Variants in STK17B observed in about 807,000 individuals in gnomAD.
STK17B encodes serine/threonine kinase 17b, also known as serine/threonine-protein kinase 17B.
In STK17B, 21 loss-of-function variants were observed where a neutral mutation model predicts 42.0. That is an observed-to-expected ratio of 0.50 (90% CI 0.35 to 0.72). STK17B has a LOEUF of 0.72. Ranked by LOEUF, STK17B falls within the 30% of genes least tolerant of loss-of-function variation. The probability of loss-of-function intolerance (pLI) is 0.00; values close to 1 mark genes in which losing one functional copy is unlikely to be tolerated. For missense variants in STK17B, 349 were observed against 446.0 expected (o/e 0.78, Z 1.96); for synonymous variants, 143 against 148.4 (o/e 0.96, Z 0.26).
chr2:196,161,317 T>A (rs1339378210), intron 2 of STK17B, among the ~76,000 whole-genome samples: 1 of 151,884 alleles, frequency 6.6e-6, no homozygotes, highest in African/African-American at 2.4e-5. Flanking sequence ...AAACCTTTCT[T>A]CCTATTATAA....
intron 1 of STK17B, among the ~76,000 whole-genome samples, chr2:196,163,869 C>G: frequency 6.6e-6 from 1 of 151,502 alleles, no homozygotes; most frequent in Non-Finnish European, 1.5e-5. Context: ...GAGATCCCAT[C>G]TCTATGAAAA....
At chr2:196,156,296 A>G in intron 3 of STK17B, 143 bp downstream of exon 3, 1 of 712,958 alleles carries the variant, frequency 1.4e-6, no homozygotes, top group Non-Finnish European at 2.2e-6. Flanking sequence ...TTATGAAAAT[A>G]TCTGAATATA....
At chr2:196,150,181 A>T (rs1344166963) in intron 3 of STK17B, among the ~76,000 whole-genome samples, 424 of 4,218 alleles carry the variant, frequency 0.1, 5 homozygotes, top group African/African-American at 0.16. Context: ...GCAGTGACTA[A>T]AAAAAAAAAA....
At position 196,165,410 on chromosome 2, in the gene STK17B, T is replaced by C. The variant is rs556848290; in HGVS notation, c.-44-1983A>G. ...AAAACAAAATATATAATATTTCAAA[T>C]GTAAGATAAGGAACACTATATACAA... On this transcript the variant is annotated intron_variant, in intron 1 of 7. Coordinates refer to ENST00000263955, the MANE Select transcript of STK17B (RefSeq NM_004226.4). Among the ~76,000 whole-genome samples the C allele has an allele frequency of 9.2e-5, 14 of 152,360 alleles. No homozygotes were observed. In the East Asian group the frequency reaches 1.7e-3, roughly 19 times the overall value.
At position 196,135,872 on chromosome 2, in the gene STK17B, TG is replaced by T. The variant is rs1699394899; in HGVS notation, c.*1574del. 9.1e-6 allele frequency: 1 copy of T among 110,134 alleles called. No homozygotes were observed. The highest frequency in any genetic ancestry group is 2.6e-5 in the African/African-American group (1 of 39,038). 6.8% of individuals were successfully genotyped at this position (110,134 alleles called of 1,614,324 possible). On this transcript the variant is annotated 3_prime_UTR_variant, in exon 8 of 8. Coordinates refer to ENST00000263955, the MANE Select transcript of STK17B (RefSeq NM_004226.4). ...CTTGAAAAGTGTCTAAAGAATGTAT[TG>T]TATCTATCTATAGATATATACATAC... is the stretch of plus-strand genomic sequence containing the variant.
chr2:196,156,315 CCCTT>C (rs1699737292), intron 3 of STK17B, 120 bp downstream of exon 3: 4 of 822,656 alleles, frequency 4.9e-6, no homozygotes, highest in Non-Finnish European at 7.4e-6. Context: ...TAAATTAGGT[CCCTT>C]TTACATTTTA....
chr2:196,160,960 T>C (rs1699803587), intron 2 of STK17B, among the ~76,000 whole-genome samples: 1 of 152,182 alleles, frequency 6.6e-6, no homozygotes. Flanking sequence ...CAAAAATACT[T>C]TATAGATTTT....
chr2:196,137,451 C>T lies in STK17B; in HGVS notation c.1115G>A (p.Cys372Tyr). ...AATGAGTCAAAGAAAAAAGTGCTAA[C>T]AGAGCAAATCTGAAACAAGTTCATG... ...NPHELVSDLL[C>Y] Residue 372 changes from cysteine to tyrosine, a missense_variant, in exon 8 of 8, where the codon TGT (cysteine) becomes TAT (tyrosine). Physicochemically the swap from Cys to Tyr is radical, Grantham distance 194. Coordinates refer to ENST00000263955, the MANE Select transcript of STK17B (RefSeq NM_004226.4). 2 of 1,612,660 alleles carry T rather than the reference C, an allele frequency of 1.2e-6. No individual in the cohort carries two copies.
At chr2:196,141,340 T>A in intron 5 of STK17B, 43 bp from the exon 6 acceptor site, 1 of 1,490,298 alleles carries the variant, frequency 6.7e-7, no homozygotes. Flanking sequence ...TGACAAATTT[T>A]AAAACAAGAA....
In STK17B at chr2:196,137,132, C is replaced by G. The variant is rs1699417161; in HGVS notation, c.*315G>C. ...ACCAACTATAATAAAACTCAAGCCA[C>G]TTTTTTTGTTGATATGCAAAACATT... On this transcript the variant is annotated 3_prime_UTR_variant, in exon 8 of 8. Coordinates refer to ENST00000263955, the MANE Select transcript of STK17B (RefSeq NM_004226.4). 3.7e-6 allele frequency: 1 copy of G among 269,032 alleles called. No individual in the cohort carries two copies. The allele number at this position is 269,032 out of a possible 1,614,324, so 16.7% of individuals were successfully genotyped here. A position where few individuals can be genotyped will look rare whatever the true frequency, so the allele number is the denominator to read the frequency against.
chr2:196,139,862 A>T, intron 6 of STK17B, 63 bp from the exon 7 acceptor site: 1 of 1,225,012 alleles, frequency 8.2e-7, no homozygotes, highest in Non-Finnish European at 1.1e-6. Context: ...TACAAAGTAC[A>T]ATCGACATTC....
intron 2 of STK17B, among the ~76,000 whole-genome samples, chr2:196,159,701 C>T (rs181757883): frequency 3.3e-5 from 5 of 152,260 alleles, no homozygotes; most frequent in East Asian, 3.9e-4. Flanking sequence ...TATTTGTCAA[C>T]GTTCACCACT....
At chr2:196,164,874 C>CT (rs1472971657) in intron 1 of STK17B, among the ~76,000 whole-genome samples, 2 of 152,274 alleles carry the variant, frequency 1.3e-5, no homozygotes, top group East Asian at 3.9e-4. Context: ...CTCTACATCT[C>CT]TTAGTCTTTG....
Position 196,171,571 on chromosome 2 carries a change from C to T in STK17B, c.-283G>A, listed in dbSNP as rs1010597331. 1 of 152,248 alleles carries T rather than the reference C, an allele frequency of 6.6e-6. No homozygotes were observed. The highest frequency in any genetic ancestry group is 1.5e-5 in the Non-Finnish European group (1 of 68,068). The allele number at this position is 152,248 out of a possible 1,614,324, so 9.4% of individuals were successfully genotyped here. On this transcript the variant is annotated 5_prime_UTR_variant, in exon 1 of 8. Coordinates refer to ENST00000263955, the MANE Select transcript of STK17B (RefSeq NM_004226.4). The stretch of plus-strand genomic sequence containing the variant: ...GGAGAGGACTACCGAAGCTTGCAGT[C>T]GCGGTTTGAAAACTGCAGCCGCGTC...
At chr2:196,161,658 A>G (rs1699814268) in intron 2 of STK17B, among the ~76,000 whole-genome samples, 1 of 151,586 alleles carries the variant, frequency 6.6e-6, no homozygotes, top group African/African-American at 2.4e-5. Flanking sequence ...AGCTGGGACT[A>G]CAGGCACACG....
At chr2:196,154,334 T>C (rs1401074457) in intron 3 of STK17B, 2 of 152,164 alleles carry the variant, frequency 1.3e-5, no homozygotes, top group African/African-American at 4.8e-5. Context: ...TCCTTTACAA[T>C]GAGGAGAGCT....
At chr2:196,155,858 T>C (rs1028029271) in intron 3 of STK17B, among the ~76,000 whole-genome samples, 2 of 152,326 alleles carry the variant, frequency 1.3e-5, no homozygotes, top group Non-Finnish European at 2.9e-5. Context: ...GTTTTCACTT[T>C]TTCACAGACT....
At chr2:196,143,242 CT>C (rs1699517927) in intron 5 of STK17B, among the ~76,000 whole-genome samples, 1 of 151,370 alleles carries the variant, frequency 6.6e-6, no homozygotes, top group African/African-American at 2.4e-5. Flanking sequence ...AGCAGTTTTT[CT>C]TTTTCCATTT....
intron 7 of STK17B, among the ~76,000 whole-genome samples, chr2:196,138,209 T>C (rs569608253): frequency 6.6e-6 from 1 of 152,346 alleles, no homozygotes; most frequent in South Asian, 2.1e-4. Context: ...TATATGTGCA[T>C]ATACATACAC....
Sources: gnomAD v4.1 joint callset for allele counts (sites outside exome capture counted in the v4.1 genomes callset) on GRCh38, gnomAD v4.1.1 for gene constraint, MANE v1.5 for transcripts, NCBI Gene and HGNC (gene_info 2026-07-23, HGNC 2026-07-21) for gene names.